ROBO1: variants seen among roughly 807,000 people sequenced by gnomAD.
ROBO1 encodes the protein roundabout homolog 1.
ROBO1 carries 149 observed loss-of-function variants against 195.9 expected under a neutral mutation model. The observed-to-expected ratio is 0.76, with a 90% CI of 0.67 to 0.87. ROBO1 has a LOEUF of 0.87. ROBO1 is among the 40% of genes least tolerant of loss of function. The probability of loss-of-function intolerance (pLI) is 0.00; values close to 1 mark genes in which losing one functional copy is unlikely to be tolerated. For synonymous variants in ROBO1, 816 were observed against 733.2 expected (o/e 1.11, Z -1.82); for missense variants, 1,933 against 2,068.3 (o/e 0.93, Z 1.27).
In ROBO1 at chr3:79,740,543, C is replaced by T. The variant is rs976582019; in HGVS notation, c.-51+27209G>A. Among the ~76,000 whole-genome samples the T allele has an allele frequency of 3.3e-5, 5 of 152,186 alleles. No homozygotes were observed. The East Asian group carries it at 7.7e-4, about 24-fold the overall frequency. On this transcript the variant is annotated intron_variant, in intron 1 of 30. Transcript: ENST00000464233. The stretch of plus-strand genomic sequence containing the variant: ...CTTACAATCATGACAAAAGGTACCT[C>T]TTCACAGGGTGGCAGGACTGAGAAT...
intron 2 of ROBO1, among the ~76,000 whole-genome samples, chr3:79,392,318 T>G (rs2106714245): frequency 6.6e-6 from 1 of 152,318 alleles, no homozygotes; most frequent in South Asian, 2.1e-4. Context: ...ATTTGAAGAT[T>G]AAAGCTTGCA....
In ROBO1 at chr3:78,688,610, T is replaced by A. The variant is rs550375964; in HGVS notation, c.1170+38A>T. ...TCTCATACATCTTGGCAACCATCTTTGCTGATTTAAAAAAAAAAAGTTAGA... is the reference window on the plus strand; with the variant it reads ...TCTCATACATCTTGGCAACCATCTTAGCTGATTTAAAAAAAAAAAGTTAGA... On this transcript the variant is annotated intron_variant, in intron 9 of 30. Transcript: ENST00000464233. 16 of 1,530,810 alleles carry A rather than the reference T, an allele frequency of 1.0e-5. No homozygotes were observed. The East Asian group carries it at 3.8e-4, about 36-fold the overall frequency. The allele number at this position is 1,530,810 out of a possible 1,614,324, so 94.8% of individuals were successfully genotyped here.
intron 2 of ROBO1, among the ~76,000 whole-genome samples, chr3:79,279,091 T>C (rs780863203): frequency 3.9e-4 from 60 of 151,982 alleles, no homozygotes; most frequent in Non-Finnish European, 7.7e-4. Context: ...CTGGCCAACA[T>C]GTAGTTTCTA....
At chr3:78,704,661 C>CAA (rs1160098731) in intron 8 of ROBO1, among the ~76,000 whole-genome samples, 1,495 of 61,520 alleles carry the variant, frequency 0.024, 51 homozygotes, top group African/African-American at 0.074. Context: ...CTCATCTCTC[C>CAA]AAAAAAAAAA....
At chr3:78,966,438 C>G (rs1476464903) in intron 3 of ROBO1, among the ~76,000 whole-genome samples, 2 of 152,096 alleles carry the variant, frequency 1.3e-5, no homozygotes, top group Admixed American at 1.3e-4. Context: ...CGAGAGAGGT[C>G]GGGACTGCTA....
At chr3:78,989,694 T>C (rs1305749829) in intron 3 of ROBO1, among the ~76,000 whole-genome samples, 3 of 152,162 alleles carry the variant, frequency 2.0e-5, no homozygotes, top group Non-Finnish European at 2.9e-5. Flanking sequence ...GGATATAACA[T>C]TGAGTTTTCT....
At chr3:79,696,884 T>A (rs568687516) in intron 1 of ROBO1, among the ~76,000 whole-genome samples, 19 of 151,620 alleles carry the variant, frequency 1.3e-4, no homozygotes, top group Middle Eastern at 3.4e-3. Flanking sequence ...GATCCAATTT[T>A]CTTTTGCCTT....
At chr3:79,186,802 C>A (rs1048545859) in intron 2 of ROBO1, among the ~76,000 whole-genome samples, 1 of 152,042 alleles carries the variant, frequency 6.6e-6, no homozygotes, top group African/African-American at 2.4e-5. Flanking sequence ...AACAGTGGGA[C>A]AACTGTAAAA....
At chr3:78,969,179 T>C (rs1051955345) in intron 3 of ROBO1, among the ~76,000 whole-genome samples, 4 of 152,188 alleles carry the variant, frequency 2.6e-5, no homozygotes, top group East Asian at 1.9e-4. Flanking sequence ...ATAGTTATAA[T>C]TGATAAAATA....
At chr3:79,375,561 G>A (rs2036351363) in intron 2 of ROBO1, among the ~76,000 whole-genome samples, 1 of 152,294 alleles carries the variant, frequency 6.6e-6, no homozygotes, top group Admixed American at 6.5e-5. Flanking sequence ...TCTATTTCCT[G>A]CAGATAAATT....
At chr3:79,331,104 T>C (rs866625037) in intron 2 of ROBO1, among the ~76,000 whole-genome samples, 35 of 152,334 alleles carry the variant, frequency 2.3e-4, no homozygotes, top group African/African-American at 7.9e-4. Context: ...GTTGGCATCA[T>C]TCAGTGTAAT....
intron 2 of ROBO1, among the ~76,000 whole-genome samples, chr3:79,519,224 G>A (rs1044228643): frequency 1.3e-5 from 2 of 152,016 alleles, no homozygotes; most frequent in African/African-American, 2.4e-5. Flanking sequence ...ACTCTCAATG[G>A]CGCTGAAAAT....
At chr3:78,772,490 T>C (rs946085088) in intron 4 of ROBO1, among the ~76,000 whole-genome samples, 1 of 152,122 alleles carries the variant, frequency 6.6e-6, no homozygotes, top group African/African-American at 2.4e-5. Context: ...ATGTTAGGCA[T>C]AGTTATTTCT....
intron 4 of ROBO1, among the ~76,000 whole-genome samples, chr3:78,861,182 AAATCT>A (rs2034814940): frequency 6.6e-6 from 1 of 152,170 alleles, no homozygotes; most frequent in South Asian, 2.1e-4. Context: ...CTCACTCAGA[AAATCT>A]ATTCATCACA....
At chr3:79,018,227 A>G (rs1196774496) in intron 3 of ROBO1, among the ~76,000 whole-genome samples, 1 of 152,086 alleles carries the variant, frequency 6.6e-6, no homozygotes, top group African/African-American at 2.4e-5. Flanking sequence ...GGGAGTGGGG[A>G]AAAAGAGACA....
chr3:79,753,793 G>C (rs1423160504), intron 1 of ROBO1, among the ~76,000 whole-genome samples: 1 of 152,180 alleles, frequency 6.6e-6, no homozygotes, highest in Non-Finnish European at 1.5e-5. Flanking sequence ...CAAGGATTTG[G>C]AGAAAATCTG....
intron 1 of ROBO1, among the ~76,000 whole-genome samples, chr3:79,755,838 T>G (rs1173363108): frequency 1.3e-5 from 2 of 152,192 alleles, no homozygotes; most frequent in Non-Finnish European, 2.9e-5. Context: ...TTTTTGTCAC[T>G]GGAGTAATCC....
intron 4 of ROBO1, among the ~76,000 whole-genome samples, chr3:78,822,739 G>A (rs1421729589): frequency 1.3e-5 from 2 of 152,138 alleles, no homozygotes; most frequent in Non-Finnish European, 2.9e-5. Context: ...AATGGAAAAG[G>A]AACAAAAGGA....
chr3:78,850,336 G>T (rs1426941600), intron 4 of ROBO1, among the ~76,000 whole-genome samples: 1 of 152,054 alleles, frequency 6.6e-6, no homozygotes, highest in Admixed American at 6.6e-5. Flanking sequence ...TTGAATAAAA[G>T]AAAGGAAGTA....
Sources: gnomAD v4.1 joint callset for allele counts (sites outside exome capture counted in the v4.1 genomes callset) on GRCh38, gnomAD v4.1.1 for gene constraint, MANE v1.5 for transcripts, NCBI Gene and HGNC (gene_info 2026-07-23, HGNC 2026-07-21) for gene names.